Variants in TMEM150C observed in about 807,000 individuals in gnomAD.
TMEM150C encodes transmembrane protein 150C.
In TMEM150C, 10 loss-of-function variants were observed where a neutral mutation model predicts 29.9. That is an observed-to-expected ratio of 0.33 (90% CI 0.21 to 0.57). The LOEUF (loss-of-function observed/expected upper bound fraction) is 0.57, where lower values mean the gene tolerates loss of function less well. Ranked by LOEUF, TMEM150C falls within the 20% of genes least tolerant of loss-of-function variation. The probability of loss-of-function intolerance (pLI) is 0.88; values close to 1 mark genes in which losing one functional copy is unlikely to be tolerated. For missense variants in TMEM150C, 251 were observed against 303.6 expected, an observed-to-expected ratio of 0.83 and a Z score of 1.29; for synonymous variants, 101 against 112.5, an observed-to-expected ratio of 0.90 and a Z score of 0.64.
chr4:82,498,887 GAACAAA>G (rs1219225652), intron 5 of TMEM150C, among the ~76,000 whole-genome samples: 1 of 152,178 alleles, frequency 6.6e-6, no homozygotes, highest in Non-Finnish European at 1.5e-5. Flanking sequence ...ATCTTATCAT[GAACAAA>G]TTATGAAATT....
chr4:82,507,527 A>G (rs1723964320), intron 1 of TMEM150C, among the ~76,000 whole-genome samples: 1 of 151,346 alleles, frequency 6.6e-6, no homozygotes, highest in African/African-American at 2.4e-5. Context: ...AGAATTCGCA[A>G]TAGAGAAACG....
In TMEM150C at chr4:82,499,719, CAAAAAAAAAAAAA is replaced by C. The variant is rs1197264258; in HGVS notation, c.235+2995_235+3007del. Among the ~76,000 whole-genome samples the C allele has an allele frequency of 2.3e-3, 91 of 40,304 alleles. 1 individual carries two copies. Among genetic ancestry groups the C allele is most frequent in the Non-Finnish European group, 2.7e-3 (66 of 24,016 alleles). 26.4% of individuals were successfully genotyped at this position (40,304 alleles called of 152,430 possible). On this transcript the variant is annotated intron_variant, in intron 5 of 7. Coordinates refer to ENST00000449862, the MANE Select transcript of TMEM150C (RefSeq NM_001080506.3). The stretch of plus-strand genomic sequence containing the variant: ...GCCTGGGTGACAGAGACTCCGTCTC[CAAAAAAAAAAAAA>C]AAAAAAAAAAAAGCACAAATAGAAT...
intron 1 of TMEM150C, among the ~76,000 whole-genome samples, chr4:82,544,524 A>G (rs1207857879): frequency 2.0e-5 from 3 of 152,202 alleles, no homozygotes; most frequent in Non-Finnish European, 4.4e-5. Context: ...CATGCCTGTA[A>G]TCCCAGCACT....
At chr4:82,539,459 C>CTTTTTTTT (rs34120699) in intron 1 of TMEM150C, among the ~76,000 whole-genome samples, 2 of 147,436 alleles carry the variant, frequency 1.4e-5, no homozygotes, top group African/African-American at 2.5e-5. Context: ...ATCCAAACAA[C>CTTTTTTTT]TTTTTTTTTT....
intron 1 of TMEM150C, among the ~76,000 whole-genome samples, chr4:82,532,159 A>C (rs911564513): frequency 6.6e-6 from 1 of 152,242 alleles, no homozygotes; most frequent in Non-Finnish European, 1.5e-5. Flanking sequence ...TAAGAGCTGA[A>C]AAGAGAGTAT....
chr4:82,505,008 C>T (rs1470046101), intron 1 of TMEM150C, among the ~76,000 whole-genome samples: 2 of 151,826 alleles, frequency 1.3e-5, no homozygotes, highest in African/African-American at 2.4e-5. Flanking sequence ...CCAGCCTGGG[C>T]GTCAGAGCGA....
intron 1 of TMEM150C, among the ~76,000 whole-genome samples, chr4:82,531,355 G>A (rs1724839581): frequency 6.6e-6 from 1 of 152,120 alleles, no homozygotes; most frequent in African/African-American, 2.4e-5. Flanking sequence ...TTCAAGTCAA[G>A]GTCACTGTTG....
chr4:82,491,154 A>G (rs985383742), intron 6 of TMEM150C: 8 of 701,992 alleles, frequency 1.1e-5, no homozygotes, highest in East Asian at 2.6e-5. Flanking sequence ...ATCGTGTGCA[A>G]TCACCACCAG....
chr4:82,503,107 A>T lies in TMEM150C; in HGVS notation c.86T>A (p.Phe29Tyr). 6.2e-7 allele frequency: 1 copy of T among 1,601,162 alleles called. No individual in the cohort carries two copies. The highest frequency in any genetic ancestry group is 8.5e-7 in the Non-Finnish European group (1 of 1,170,946). The change falls in exon 3 of 8, where the codon TTC becomes TAC. Residue 29 changes from phenylalanine to tyrosine, a missense_variant. By Grantham distance (22) the Phe-to-Tyr change is conservative (BLOSUM62 3). Coordinates refer to ENST00000449862, the MANE Select transcript of TMEM150C (RefSeq NM_001080506.3). ...AATTTTGTCATCTTCCACAGCTATG[A>T]AGTATCTATCAAAAAAGAATAAGTT... ...FTSAGLWIVYFIAVEDDKILP... is the reference protein window; with the variant it reads ...FTSAGLWIVYYIAVEDDKILP...
rs1543163 is a variant in TMEM150C at position 82,490,482 on chromosome 4, A to C, written c.364-244T>G. 0.95 allele frequency among the ~76,000 whole-genome samples: 144,527 copies of C among 152,316 alleles called. 68,636 individuals are homozygous for C. The highest frequency in any genetic ancestry group is 1 in the East Asian group (5,191 of 5,192). On this transcript the variant is annotated intron_variant, in intron 6 of 7. Transcript: ENST00000449862. ...GTGTAGAAAAAGTAAAAGAAAACAGAAGGAGAGTTACAGAAAAAGAAATGT... is the reference window on the plus strand; with the variant it reads ...GTGTAGAAAAAGTAAAAGAAAACAGCAGGAGAGTTACAGAAAAAGAAATGT...
chr4:82,502,135 G>A (rs1560483463), intron 5 of TMEM150C, among the ~76,000 whole-genome samples: 1 of 152,192 alleles, frequency 6.6e-6, no homozygotes, highest in African/African-American at 2.4e-5. Flanking sequence ...CACTCACAGA[G>A]GGACAGAATA....
At chr4:82,553,058 A>G (rs1044021494) in intron 1 of TMEM150C, among the ~76,000 whole-genome samples, 1 of 152,228 alleles carries the variant, frequency 6.6e-6, no homozygotes, top group Non-Finnish European at 1.5e-5. Flanking sequence ...AATTCAGTCA[A>G]TAACAGGCTA....
intron 1 of TMEM150C, among the ~76,000 whole-genome samples, chr4:82,547,754 G>A (rs1045006843): frequency 6.6e-6 from 1 of 152,176 alleles, no homozygotes; most frequent in Admixed American, 6.6e-5. Flanking sequence ...AACTGTTGGT[G>A]GGAATATAAA....
At chr4:82,488,499 T>C (rs72913656) in intron 7 of TMEM150C, among the ~76,000 whole-genome samples, 2,170 of 152,364 alleles carry the variant, frequency 0.014, 40 homozygotes, top group African/African-American at 0.05. Context: ...TTATTATGAC[T>C]GAAGATGTGT....
intron 1 of TMEM150C, among the ~76,000 whole-genome samples, chr4:82,538,214 C>T (rs771363396): frequency 1.8e-4 from 27 of 152,102 alleles, no homozygotes; most frequent in Non-Finnish European, 2.6e-4. Context: ...CCCACCACCA[C>T]GCCTGGCTAA....
intron 1 of TMEM150C, among the ~76,000 whole-genome samples, chr4:82,536,380 A>ATT: frequency 6.7e-6 from 1 of 149,162 alleles, no homozygotes; most frequent in Non-Finnish European, 1.5e-5. Flanking sequence ...AAAAAAAAAG[A>ATT]ATTATTTAAT....
intron 1 of TMEM150C, among the ~76,000 whole-genome samples, chr4:82,509,111 A>G (rs1031460233): frequency 1.3e-5 from 2 of 152,286 alleles, no homozygotes; most frequent in African/African-American, 4.8e-5. Flanking sequence ...TTTTCTTCCA[A>G]TAAATGTCAT....
Position 82,527,613 on chromosome 4 carries a change from G to A in TMEM150C, c.-10-22946C>T, listed in dbSNP as rs1411264840. Among the ~76,000 whole-genome samples, 4 of 152,166 alleles carry A rather than the reference G, an allele frequency of 2.6e-5. No individual in the cohort carries two copies. The East Asian group carries it at 7.7e-4, about 29-fold the overall frequency. On this transcript the variant is annotated intron_variant, in intron 1 of 7. Coordinates refer to ENST00000449862, the MANE Select transcript of TMEM150C (RefSeq NM_001080506.3). ...TGAGTTCTAGTTGAGCTTGTGGTAG[G>A]TTGCTTCCCTGTGCTCTCCCTCCAT...
At chr4:82,529,966 G>A (rs1234197890) in intron 1 of TMEM150C, among the ~76,000 whole-genome samples, 1 of 151,998 alleles carries the variant, frequency 6.6e-6, no homozygotes, top group Non-Finnish European at 1.5e-5. Flanking sequence ...AAGAGGGAGG[G>A]AATGTGTAGG....
Sources: gnomAD v4.1 joint callset for allele counts (sites outside exome capture counted in the v4.1 genomes callset) on GRCh38, gnomAD v4.1.1 for gene constraint, MANE v1.5 for transcripts, NCBI Gene and HGNC (gene_info 2026-07-23, HGNC 2026-07-21) for gene names.